PCDHA10: variants seen among roughly 807,000 people sequenced by gnomAD.
PCDHA10 encodes the protein protocadherin alpha-10.
In PCDHA10, 45 loss-of-function variants were observed where a neutral mutation model predicts 61.2. The ratio of observed to expected loss-of-function variants is 0.74; its 90% CI spans 0.58 to 0.94. PCDHA10 has a LOEUF of 0.94. PCDHA10 is among the 40% of genes least tolerant of loss of function. PCDHA10 has a pLI of 0.00. For synonymous variants in PCDHA10, 602 were observed against 548.8 expected, an observed-to-expected ratio of 1.10 and a Z score of -1.35; for missense variants, 1,278 against 1,236.2, an observed-to-expected ratio of 1.03 and a Z score of -0.51.
intron 1 of PCDHA10, among the ~76,000 whole-genome samples, chr5:140,948,536 C>T (rs2094269261): frequency 6.6e-6 from 1 of 151,548 alleles, no homozygotes; most frequent in Admixed American, 6.6e-5. Context: ...TATTTTATTT[C>T]ATGCTCTGTC....
At chr5:140,922,858 G>C (rs1363202579) in intron 1 of PCDHA10, among the ~76,000 whole-genome samples, 1 of 152,124 alleles carries the variant, frequency 6.6e-6, no homozygotes, top group Non-Finnish European at 1.5e-5. Flanking sequence ...CAAATACATA[G>C]ACAAGGGGAA....
chr5:140,907,009 C>A (rs2193983), intron 1 of PCDHA10, among the ~76,000 whole-genome samples: 26,809 of 152,052 alleles, frequency 0.18, 2,652 homozygotes, highest in African/African-American at 0.27. Flanking sequence ...GGAACTAAGA[C>A]CTCTAGGCCA....
chr5:140,863,388 C>A (rs2047990567), intron 1 of PCDHA10: 2 of 1,000,024 alleles, frequency 2.0e-6, no homozygotes, highest in African/African-American at 1.6e-5. Context: ...AGAGCTCGTG[C>A]ATGCCGGGCA....
chr5:140,859,706 C>T (rs1311210067), intron 1 of PCDHA10: 1 of 153,842 alleles, frequency 6.5e-6, no homozygotes, highest in Non-Finnish European at 1.4e-5. Context: ...AGTTTAGGAA[C>T]ACCAAAAAAA....
chr5:140,866,116 T>C (rs1232986434), intron 1 of PCDHA10: 2 of 152,196 alleles, frequency 1.3e-5, no homozygotes, highest in Non-Finnish European at 2.9e-5. Flanking sequence ...AGTTGCCTTA[T>C]AAGAACTACG....
chr5:140,883,289 C>T, intron 1 of PCDHA10: 2 of 1,614,022 alleles, frequency 1.2e-6, no homozygotes, highest in African/African-American at 1.3e-5. Context: ...GGTGGAAGTA[C>T]TAGATGTAAA....
intron 1 of PCDHA10, among the ~76,000 whole-genome samples, chr5:140,873,350 A>G (rs251374): frequency 0.7 from 106,869 of 152,104 alleles, 38,096 homozygotes; most frequent in African/African-American, 0.82. Context: ...TCCAGATGAA[A>G]TTTTTGGAAT....
chr5:140,950,015 T>C (rs2094440217), intron 1 of PCDHA10, among the ~76,000 whole-genome samples: 1 of 151,906 alleles, frequency 6.6e-6, no homozygotes, highest in Admixed American at 6.6e-5. Context: ...TGTACAACCT[T>C]CATAAAATAT....
At chr5:140,882,854 C>G in intron 1 of PCDHA10, 2 of 1,614,196 alleles carry the variant, frequency 1.2e-6, no homozygotes, top group Non-Finnish European at 1.7e-6. Flanking sequence ...ATCACTTGTA[C>G]TGAGGAAAAC....
chr5:140,920,841 T>TAAAAAAAA (rs781921146), intron 1 of PCDHA10, among the ~76,000 whole-genome samples: 2 of 109,228 alleles, frequency 1.8e-5, no homozygotes, highest in Non-Finnish European at 1.9e-5. Context: ...AGACCAAATC[T>TAAAAAAAA]AAAAAAAAAA....
At chr5:140,902,176 C>T (rs1488205989) in intron 1 of PCDHA10, among the ~76,000 whole-genome samples, 1 of 146,420 alleles carries the variant, frequency 6.8e-6, no homozygotes, top group Non-Finnish European at 1.5e-5. Context: ...TTTGGATGTC[C>T]TTTATGTCTT....
At chr5:140,958,692 T>C (rs2095438296) in intron 1 of PCDHA10, among the ~76,000 whole-genome samples, 2 of 152,190 alleles carry the variant, frequency 1.3e-5, no homozygotes, top group African/African-American at 4.8e-5. Flanking sequence ...TTGAATATCC[T>C]AGAGTGACAA....
chr5:140,876,176 TG>T (rs1554168338), intron 1 of PCDHA10: 2 of 1,613,930 alleles, frequency 1.2e-6, no homozygotes, highest in Non-Finnish European at 1.7e-6. Context: ...GTCCTGGATG[TG>T]AATGACAATG....
At chr5:140,925,665 A>C (rs2082643258) in intron 1 of PCDHA10, among the ~76,000 whole-genome samples, 1 of 149,266 alleles carries the variant, frequency 6.7e-6, no homozygotes, top group Non-Finnish European at 1.5e-5. Flanking sequence ...TAATAATAAT[A>C]ATAATAATAA....
chr5:140,950,426 ACT>A (rs1554219446), intron 1 of PCDHA10, among the ~76,000 whole-genome samples: 5 of 151,872 alleles, frequency 3.3e-5, no homozygotes, highest in African/African-American at 1.2e-4. Flanking sequence ...ATTTTCTTCC[ACT>A]TAAAAAAAAT....
intron 1 of PCDHA10, chr5:140,875,646 G>T (rs781973102): frequency 6.2e-7 from 1 of 1,613,722 alleles, no homozygotes; most frequent in Non-Finnish European, 8.5e-7. Context: ...AGCTGGCGGA[G>T]CTGGTGCCGC....
intron 1 of PCDHA10, chr5:140,869,272 G>A: frequency 6.2e-7 from 1 of 1,613,572 alleles, no homozygotes; most frequent in Non-Finnish European, 8.5e-7. Flanking sequence ...GCTGGAGCTG[G>A]CGGAGCTGGT....
chr5:140,903,290 G>A (rs1554190896), intron 1 of PCDHA10, among the ~76,000 whole-genome samples: 3 of 152,016 alleles, frequency 2.0e-5, no homozygotes, highest in African/African-American at 7.3e-5. Flanking sequence ...TTGTGCATTA[G>A]GAAATTTAGT....
intron 1 of PCDHA10, among the ~76,000 whole-genome samples, chr5:140,950,920 T>TTTCTGCTACTTTTAACTG (rs1554219690): frequency 2.6e-5 from 4 of 152,202 alleles, no homozygotes; most frequent in African/African-American, 9.6e-5. Context: ...TTATTTCAGT[T>TTTCTGCTACTTTTAACTG]CTTTTTCTTT....
Sources: allele counts gnomAD v4.1 joint callset (sites outside exome capture counted in the v4.1 genomes callset), GRCh38; gene constraint gnomAD v4.1.1; transcripts MANE v1.5; gene names NCBI Gene and HGNC (gene_info 2026-07-23, HGNC 2026-07-21).